The following PPP1R14C variants were observed in gnomAD, a reference collection of about 807,000 sequenced individuals.
The protein encoded by PPP1R14C is protein phosphatase 1 regulatory subunit 14C.
In PPP1R14C, 16 loss-of-function variants were observed where a neutral mutation model predicts 20.4. The ratio of observed to expected loss-of-function variants is 0.78; its 90% CI spans 0.53 to 1.19. The LOEUF (loss-of-function observed/expected upper bound fraction) is 1.19, where lower values mean the gene tolerates loss of function less well. Among genes scored for constraint, PPP1R14C ranks in the 50% most tolerant of loss-of-function variants. The probability of loss-of-function intolerance (pLI) is 0.00; values close to 1 mark genes in which losing one functional copy is unlikely to be tolerated. For missense variants in PPP1R14C, 211 were observed against 220.1 expected (o/e 0.96, Z 0.26); for synonymous variants, 91 against 91.0 (o/e 1.00, Z 0.00).
At chr6:150,208,798 T>A (rs79357713) in intron 1 of PPP1R14C, among the ~76,000 whole-genome samples, 8,913 of 152,250 alleles carry the variant, frequency 0.059, 364 homozygotes, top group African/African-American at 0.094. Flanking sequence ...TAATTCTGCT[T>A]GATGCCAATG....
At chr6:150,175,534 T>G (rs1777551505) in intron 1 of PPP1R14C, among the ~76,000 whole-genome samples, 1 of 152,232 alleles carries the variant, frequency 6.6e-6, no homozygotes. Context: ...GTAATTTCCT[T>G]TGTAAAATAT....
chr6:150,234,682 C>T (rs1470033441), intron 3 of PPP1R14C, among the ~76,000 whole-genome samples: 2 of 151,604 alleles, frequency 1.3e-5, no homozygotes, highest in Non-Finnish European at 2.9e-5. Flanking sequence ...AACCCTGTCT[C>T]TACTAAAAAT....
rs575738762 is a variant in PPP1R14C at position 150,241,411 on chromosome 6, G to A, written c.424-7335G>A. On this transcript the variant is annotated intron_variant, in intron 3 of 3. Coordinates refer to ENST00000361131, the MANE Select transcript of PPP1R14C (RefSeq NM_030949.3). ...ATAAGTGTTTCCCTGAGTTCTGGGA[G>A]TTGCTCTAGCAAATTATTGTACCCT... 2.0e-5 allele frequency among the ~76,000 whole-genome samples: 3 copies of A among 152,324 alleles called. No individual in the cohort carries two copies. The South Asian group carries it at 6.2e-4, about 32-fold the overall frequency.
chr6:150,146,052 T>C (rs951824289), intron 1 of PPP1R14C, among the ~76,000 whole-genome samples: 3 of 152,206 alleles, frequency 2.0e-5, no homozygotes, highest in African/African-American at 7.2e-5. Flanking sequence ...CAGTGACTAA[T>C]CAGTTTTGTA....
intron 3 of PPP1R14C, among the ~76,000 whole-genome samples, chr6:150,234,848 CAAAAAA>C (rs56139981): frequency 4.8e-5 from 2 of 41,832 alleles, no homozygotes; most frequent in African/African-American, 2.1e-4. Context: ...GACTCTGTCT[CAAAAAA>C]AAAAAAAAAA....
At chr6:150,180,837 C>T (rs1167067347) in intron 1 of PPP1R14C, among the ~76,000 whole-genome samples, 2 of 152,040 alleles carry the variant, frequency 1.3e-5, no homozygotes, top group Non-Finnish European at 2.9e-5. Context: ...GAATGATGAC[C>T]CTGGACTACA....
chr6:150,157,710 G>A (rs1346585308), intron 1 of PPP1R14C, among the ~76,000 whole-genome samples: 1 of 152,098 alleles, frequency 6.6e-6, no homozygotes, highest in African/African-American at 2.4e-5. Flanking sequence ...ACAGGTGAAG[G>A]GTCAAAACAG....
At chr6:150,195,250 T>C in intron 1 of PPP1R14C, 1 of 729,474 alleles carries the variant, frequency 1.4e-6, no homozygotes, top group Non-Finnish European at 1.7e-6. Context: ...TGTGTGTGGA[T>C]ACCATGTTAT....
At chr6:150,177,463 G>C (rs1777575142) in intron 1 of PPP1R14C, among the ~76,000 whole-genome samples, 1 of 152,188 alleles carries the variant, frequency 6.6e-6, no homozygotes, top group Non-Finnish European at 1.5e-5. Flanking sequence ...CAGCAGAGAA[G>C]GCAAGCGAAG....
At chr6:150,148,733 A>C (rs185236629) in intron 1 of PPP1R14C, among the ~76,000 whole-genome samples, 1 of 152,228 alleles carries the variant, frequency 6.6e-6, no homozygotes, top group East Asian at 1.9e-4. Flanking sequence ...AACCCCCTGA[A>C]CTCCATAAAC....
At chr6:150,199,740 G>A (rs529804371) in intron 1 of PPP1R14C, among the ~76,000 whole-genome samples, 17 of 152,098 alleles carry the variant, frequency 1.1e-4, no homozygotes, top group South Asian at 6.2e-4. Context: ...TTAGTGGCAC[G>A]CATCTGCAGT....
rs755578237 is a variant in PPP1R14C, at chr6:150,249,511, T to C, written c.*691T>C. 2 of 398,528 alleles carry C rather than the reference T, an allele frequency of 5.0e-6. No individual in the cohort carries two copies. The highest frequency in any genetic ancestry group is 8.8e-6 in the Non-Finnish European group (2 of 226,072). 24.7% of individuals were successfully genotyped at this position (398,528 alleles called of 1,614,324 possible). A position where few individuals can be genotyped will look rare whatever the true frequency, so the allele number is the denominator to read the frequency against. ...GGCTTAATTTATGGAATTTCTATTA[T>C]TTCATTGGTTGGGATGCTTTGCCAG... On this transcript the variant is annotated 3_prime_UTR_variant, in exon 4 of 4. Transcript: ENST00000361131.
At chr6:150,247,810 G>C (rs1248218103) in intron 3 of PPP1R14C, among the ~76,000 whole-genome samples, 1 of 152,080 alleles carries the variant, frequency 6.6e-6, no homozygotes, top group Non-Finnish European at 1.5e-5. Flanking sequence ...TACCTTATTG[G>C]GCCCCACCCA....
At chr6:150,178,749 G>T (rs1777589692) in intron 1 of PPP1R14C, among the ~76,000 whole-genome samples, 1 of 152,192 alleles carries the variant, frequency 6.6e-6, no homozygotes, top group Non-Finnish European at 1.5e-5. Flanking sequence ...TACTTGGAAT[G>T]AAAATGACAA....
chr6:150,186,381 C>T (rs1421437143), intron 1 of PPP1R14C, among the ~76,000 whole-genome samples: 1 of 152,088 alleles, frequency 6.6e-6, no homozygotes, highest in East Asian at 1.9e-4. Context: ...AGTGTGTTAC[C>T]GGACAGTCCC....
At chr6:150,186,287 T>G (rs1056396844) in intron 1 of PPP1R14C, among the ~76,000 whole-genome samples, 3 of 152,158 alleles carry the variant, frequency 2.0e-5, no homozygotes, top group Non-Finnish European at 4.4e-5. Flanking sequence ...GGAGCAATTT[T>G]CCCATCCACT....
At chr6:150,216,568 A>G (rs547696082) in intron 2 of PPP1R14C, among the ~76,000 whole-genome samples, 60 of 152,138 alleles carry the variant, frequency 3.9e-4, no homozygotes, top group Admixed American at 7.9e-4. Context: ...GCAAAAAAAA[A>G]AAATAAATAT....
At chr6:150,246,039 T>C (rs1415042295) in intron 3 of PPP1R14C, among the ~76,000 whole-genome samples, 1 of 152,208 alleles carries the variant, frequency 6.6e-6, no homozygotes. Flanking sequence ...GCAAATAGCA[T>C]TTATTTAAAC....
At chr6:150,193,034 A>G (rs143912253) in intron 1 of PPP1R14C, among the ~76,000 whole-genome samples, 1 of 152,258 alleles carries the variant, frequency 6.6e-6, no homozygotes, top group Non-Finnish European at 1.5e-5. Context: ...TTTCCCAGTT[A>G]TCTTTTTCTT....
Sources: allele counts gnomAD v4.1 joint callset (sites outside exome capture counted in the v4.1 genomes callset), GRCh38; gene constraint gnomAD v4.1.1; transcripts MANE v1.5; gene names NCBI Gene and HGNC (gene_info 2026-07-23, HGNC 2026-07-21).